TECR: variants seen among roughly 807,000 people sequenced by gnomAD.
The protein encoded by TECR is very-long-chain enoyl-CoA reductase.
Under a neutral mutation model 50.6 loss-of-function variants are expected in TECR, and 19 were observed. The ratio of observed to expected loss-of-function variants is 0.38; its 90% confidence interval spans 0.26 to 0.55. The LOEUF (loss-of-function observed/expected upper bound fraction) is 0.55, where lower values mean the gene tolerates loss of function less well. Among genes scored for constraint, TECR ranks in the 20% least tolerant of loss-of-function variants. The pLI, the probability that TECR is intolerant of heterozygous loss-of-function variation, is 0.79. For synonymous variants in TECR, 168 were observed against 163.5 expected (o/e 1.03, Z -0.21); for missense variants, 313 against 408.3 (o/e 0.77, Z 2.01).
chr19:14,542,826 G>A (rs2073148508), intron 1 of TECR, among the ~76,000 whole-genome samples: 1 of 152,004 alleles, frequency 6.6e-6, no homozygotes, highest in Admixed American at 6.6e-5. Flanking sequence ...AGGTGTAAAG[G>A]CCCTCTCTGT....
At chr19:14,557,839 T>G (rs1185889778) in intron 1 of TECR, among the ~76,000 whole-genome samples, 1 of 151,844 alleles carries the variant, frequency 6.6e-6, no homozygotes, top group Non-Finnish European at 1.5e-5. Context: ...CACTGCAAGC[T>G]CTGCCTCCCG....
chr19:14,564,321 C>A, intron 7 of TECR, 34 bp downstream of exon 7: 1 of 1,531,458 alleles, frequency 6.5e-7, no homozygotes, highest in Non-Finnish European at 8.8e-7. Flanking sequence ...CCCTAAGCCC[C>A]GCCTTTCTGC....
chr19:14,557,747 C>T (rs530829505), intron 1 of TECR, among the ~76,000 whole-genome samples: 24 of 147,888 alleles, frequency 1.6e-4, no homozygotes, highest in Admixed American at 5.4e-4. Context: ...CCACCGTGCC[C>T]GGTCATCATA....
chr19:14,550,312 G>A (rs886712499), intron 1 of TECR, among the ~76,000 whole-genome samples: 7 of 152,126 alleles, frequency 4.6e-5, no homozygotes, highest in African/African-American at 1.2e-4. Context: ...CTGCCGCCGC[G>A]TGTATAAAGC....
upstream of TECR, chr19:14,529,167 A>C: frequency 4.7e-6 from 1 of 214,514 alleles, no homozygotes; most frequent in African/African-American, 2.3e-5. Flanking sequence ...CCCAGCCCCT[A>C]GCCCTCTCCT....
At chr19:14,556,697 G>T (rs1329154152) in intron 1 of TECR, among the ~76,000 whole-genome samples, 1 of 152,160 alleles carries the variant, frequency 6.6e-6, no homozygotes, top group Non-Finnish European at 1.5e-5. Context: ...TTGGCTGGTG[G>T]CAGGGCCAGG....
chr19:14,553,831 C>T (rs892087080), intron 1 of TECR, among the ~76,000 whole-genome samples: 2 of 152,106 alleles, frequency 1.3e-5, no homozygotes, highest in Admixed American at 6.5e-5. Flanking sequence ...CGCTTGTGCC[C>T]GGCGCGGGGA....
intron 1 of TECR, among the ~76,000 whole-genome samples, chr19:14,539,464 C>T (rs183471876): frequency 2.8e-4 from 42 of 152,174 alleles, no homozygotes; most frequent in Admixed American, 1.2e-3. Flanking sequence ...GCTGCCTCAC[C>T]TAGGAGCACA....
intron 1 of TECR, among the ~76,000 whole-genome samples, chr19:14,546,931 CTGATCTG>C (rs1162327466): frequency 6.6e-6 from 1 of 152,160 alleles, no homozygotes; most frequent in Non-Finnish European, 1.5e-5. Flanking sequence ...CTCAAGTGAT[CTGATCTG>C]CCCGCCTTGG....
intron 1 of TECR, among the ~76,000 whole-genome samples, chr19:14,539,880 CTT>C (rs35738060): frequency 4.3e-4 from 61 of 142,326 alleles, no homozygotes; most frequent in South Asian, 4.5e-4. Context: ...TGTTTTCTTT[CTT>C]TTTTTTTTTT....
At chr19:14,543,388 A>AATATGTAT (rs1452041737) in intron 1 of TECR, among the ~76,000 whole-genome samples, 2 of 37,716 alleles carry the variant, frequency 5.3e-5, no homozygotes, top group African/African-American at 9.1e-5. Context: ...TGTTTCAGAG[A>AATATGTAT]ATATATATAT....
chr19:14,542,136 ATTGTT>A (rs2146576526), intron 1 of TECR, among the ~76,000 whole-genome samples: 1 of 151,912 alleles, frequency 6.6e-6, no homozygotes, highest in African/African-American at 2.4e-5. Context: ...CCTATGAATT[ATTGTT>A]TTTAGTAGAG....
At chr19:14,543,663 C>A (rs1813883755) in intron 1 of TECR, among the ~76,000 whole-genome samples, 1 of 150,386 alleles carries the variant, frequency 6.6e-6, no homozygotes, top group African/African-American at 2.4e-5. Flanking sequence ...TGGTCTCGAT[C>A]TCCTGACCTC....
chr19:14,536,264 C>G (rs1472642819), intron 1 of TECR, among the ~76,000 whole-genome samples: 2 of 140,570 alleles, frequency 1.4e-5, no homozygotes, highest in Non-Finnish European at 3.1e-5. Context: ...GTTTCTCGAG[C>G]TAGTTTTTTT....
rs377544418 is a variant in TECR, at chr19:14,529,606, G to A, written c.-91G>A. 1.8e-5 allele frequency: 29 copies of A among 1,597,728 alleles called. No individual in the cohort carries two copies. The highest frequency in any genetic ancestry group is 2.4e-5 in the Non-Finnish European group (28 of 1,166,214). ...GACGCAGAGCCGCGTTTAGTCTATC[G>A]CTGCGGTTGCGAGCGCTGTAGGGAG... On this transcript the variant is annotated 5_prime_UTR_variant, in exon 1 of 13. Transcript: ENST00000215567.
intron 1 of TECR, among the ~76,000 whole-genome samples, chr19:14,557,133 A>T (rs967709567): frequency 2.0e-5 from 3 of 149,738 alleles, no homozygotes; most frequent in African/African-American, 7.4e-5. Context: ...TTATTTATTT[A>T]TTTATTTATT....
intron 1 of TECR, among the ~76,000 whole-genome samples, chr19:14,533,507 G>T (rs2072751057): frequency 6.6e-6 from 1 of 152,142 alleles, no homozygotes; most frequent in Non-Finnish European, 1.5e-5. Flanking sequence ...TGAAAGGTTG[G>T]CCCCTGGAGA....
chr19:14,543,516 G>A (rs1379973846), intron 1 of TECR, among the ~76,000 whole-genome samples: 11 of 128,240 alleles, frequency 8.6e-5, no homozygotes, highest in Non-Finnish European at 1.4e-4. Context: ...TAGGCTCACT[G>A]CAAGCTCCGT....
intron 1 of TECR, among the ~76,000 whole-genome samples, chr19:14,545,454 G>A (rs184083052): frequency 2.1e-5 from 3 of 141,268 alleles, no homozygotes; most frequent in East Asian, 2.0e-4. Flanking sequence ...TCGTGACCCC[G>A]TATTATGTAA....
Sources: allele counts gnomAD v4.1 joint callset (sites outside exome capture counted in the v4.1 genomes callset), GRCh38; gene constraint gnomAD v4.1.1; transcripts MANE v1.5; gene names NCBI Gene and HGNC (gene_info 2026-07-23, HGNC 2026-07-21).